Variants in ZNF3 observed in about 807,000 individuals in gnomAD.
The protein encoded by ZNF3 is C2-H2 type zinc finger protein.
Under a neutral mutation model 36.9 loss-of-function variants are expected in ZNF3, and 16 were observed. That is an observed-to-expected ratio of 0.43 (90% CI 0.29 to 0.66). The LOEUF (loss-of-function observed/expected upper bound fraction) is 0.66. ZNF3 is among the 30% of genes least tolerant of loss of function. ZNF3 has a pLI of 0.13. For missense variants in ZNF3, 462 were observed against 543.1 expected (o/e 0.85, Z 1.48); for synonymous variants, 201 against 201.9 (o/e 1.00, Z 0.04).
intron 2 of ZNF3, among the ~76,000 whole-genome samples, chr7:100,078,105 A>G (rs915015665): frequency 1.3e-5 from 2 of 152,168 alleles, no homozygotes; most frequent in African/African-American, 4.8e-5. Flanking sequence ...AAAGGGCCCA[A>G]GTTCCTCAAC....
intron 1 of ZNF3, among the ~76,000 whole-genome samples, chr7:100,080,522 A>G (rs895927042): frequency 3.9e-5 from 6 of 152,116 alleles, no homozygotes; most frequent in Non-Finnish European, 8.8e-5. Context: ...AAGGAAAAAA[A>G]AAAAAAAGGC....
downstream of ZNF3, among the ~76,000 whole-genome samples, chr7:100,065,248 G>A (rs901494383): frequency 7.9e-5 from 12 of 152,218 alleles, no homozygotes; most frequent in African/African-American, 2.6e-4. Context: ...CCAAAATGGC[G>A]AAACACTGTC....
chr7:100,077,347 T>G lies in ZNF3; in HGVS notation c.11A>C (p.Gln4Pro), dbSNP rs771889784. 2 of 1,613,744 alleles carry G rather than the reference T, an allele frequency of 1.2e-6. No homozygotes were observed. The highest frequency in any genetic ancestry group is 2.2e-5 in the South Asian group (2 of 91,070). The change falls in exon 3 of 6, where the codon CAG becomes CCG. Residue 4 changes from glutamine (Q) to proline (P), a missense_variant. Gln to Pro is a moderately conservative substitution (Grantham distance 76, BLOSUM62 -1). Coordinates refer to ENST00000299667, the MANE Select transcript of ZNF3 (RefSeq NM_032924.5). MET[Q>P]ADLVSQEPQA... Reference sequence around the variant, plus strand: ...AGGTTCCTGAGATACGAGATCAGCCTGAGTTTCCATGGAAGGGCAAGGTGC... The same window carrying G: ...AGGTTCCTGAGATACGAGATCAGCCGGAGTTTCCATGGAAGGGCAAGGTGC...
rs538093413 is a variant in ZNF3 at position 100,072,736 on chromosome 7, T to A, written c.272-524A>T. 1.9e-3 allele frequency among the ~76,000 whole-genome samples: 289 copies of A among 152,188 alleles called. 2 individuals are homozygous for A. The highest frequency in any genetic ancestry group is 6.7e-3 in the African/African-American group (278 of 41,520). On this transcript the variant is annotated intron_variant, in intron 5 of 5. Coordinates refer to ENST00000299667, the MANE Select transcript of ZNF3 (RefSeq NM_032924.5). Reference sequence around the variant, plus strand: ...ATCATGGCTGTCGTCACGCCACAAATGCCAAGCCCATGGAAACGGCAAGAC... The same window carrying A: ...ATCATGGCTGTCGTCACGCCACAAAAGCCAAGCCCATGGAAACGGCAAGAC...
At chr7:100,079,238 T>C (rs539300523) in intron 2 of ZNF3, 3 of 152,294 alleles carry the variant, frequency 2.0e-5, no homozygotes, top group Admixed American at 1.3e-4. Flanking sequence ...CAGCTTTCAG[T>C]ACAAACTCCT....
chr7:100,064,519 A>G, exon 6 of ZNF3: 3 of 1,614,188 alleles, frequency 1.9e-6, no homozygotes, highest in Non-Finnish European at 2.5e-6. Flanking sequence ...CACCGGGGAA[A>G]AGCCCTACTG....
chr7:100,070,166 GTTT>G lies in ZNF3; in HGVS notation c.*974_*976del. Reference sequence around the variant, plus strand: ...CTGGGCTTCGTTTTTTTGTTTTTTTGTTTTTTTTTTCTCCCTTTTGGGCTTTGC... The same window carrying G: ...CTGGGCTTCGTTTTTTTGTTTTTTTGTTTTTTTCTCCCTTTTGGGCTTTGC... On this transcript the variant is annotated 3_prime_UTR_variant, in exon 6 of 6. Transcript: ENST00000299667. The G allele has an allele frequency of 1.1e-6, 1 of 940,024 alleles. No homozygotes were observed. The highest frequency in any genetic ancestry group is 1.3e-6 in the Non-Finnish European group (1 of 791,038). The allele number at this position is 940,024 out of a possible 1,614,324, so 58.2% of individuals were successfully genotyped here.
chr7:100,074,752 G>A (rs1793783539), intron 5 of ZNF3, among the ~76,000 whole-genome samples: 1 of 152,156 alleles, frequency 6.6e-6, no homozygotes, highest in Non-Finnish European at 1.5e-5. Context: ...TCCTTACCTA[G>A]GCCAGGTGCA....
At chr7:100,064,261 G>A (rs1195352846) in exon 6 of ZNF3, 1 of 1,614,180 alleles carries the variant, frequency 6.2e-7, no homozygotes, top group Non-Finnish European at 8.5e-7. Context: ...AATGCACACA[G>A]AAGAGGCGCC....
At position 100,077,398 on chromosome 7, in the gene ZNF3, A is replaced by G. The variant is rs752099701; in HGVS notation, c.-41T>C. ...TCTCTGGTCTCCTGGGTGCAGACTC[A>G]GCGGGAAGCGGGTTTTAAAAGAGAA... is the stretch of plus-strand genomic sequence containing the variant. On this transcript the variant is annotated 5_prime_UTR_variant, in exon 3 of 6. Transcript: ENST00000299667. The G allele has an allele frequency of 2.3e-5, 37 of 1,613,528 alleles. No homozygotes were observed. The highest frequency in any genetic ancestry group is 3.1e-5 in the Non-Finnish European group (37 of 1,179,786).
rs1218389307 is a variant in ZNF3, at chr7:100,071,806, CT to C, written c.677del (p.Lys226SerfsTer199). ...TCCCACACTCATTACATTCATAGGG[CT>C]TTTCCCCAGTGTGGATTCTCTGATG... ...IQHQRIHTGE[K>X]PYECNECGKA... On this transcript the variant is annotated frameshift_variant, in exon 6 of 6. Transcript: ENST00000299667. LOFTEE classifies it high-confidence loss of function. 1 of 1,612,880 alleles carries C rather than the reference CT, an allele frequency of 6.2e-7. No homozygotes were observed. The highest frequency in any genetic ancestry group is 1.7e-5 in the Admixed American group (1 of 59,866).
At chr7:100,069,476 C>T (rs891055331), downstream of ZNF3, among the ~76,000 whole-genome samples, 21 of 150,692 alleles carry the variant, frequency 1.4e-4, no homozygotes, top group African/African-American at 4.6e-4. Context: ...TGCTTGAACC[C>T]GGGAGGCAGA....
chr7:100,075,220 C>T lies in ZNF3; in HGVS notation c.186G>A (p.Arg62=). 1 of 1,614,198 alleles carries T rather than the reference C, an allele frequency of 6.2e-7. No homozygotes were observed. Among genetic ancestry groups the T allele is most frequent in the Admixed American group, 1.7e-5 (1 of 60,018 alleles). The change falls in exon 5 of 6, where the codon CGG becomes CGA. Residue 62 remains arginine, a synonymous_variant. Coordinates refer to ENST00000299667, the MANE Select transcript of ZNF3 (RefSeq NM_032924.5). ...TFEDVAVYFI[R]KEWKRLEPAQ... is the part of the protein sequence containing the mutation. Reference sequence around the variant, plus strand: ...CAGGTTCCAAACGCTTCCACTCCTTCCGGATGAAGTACACAGCTACATCCT... The same window carrying T: ...CAGGTTCCAAACGCTTCCACTCCTTTCGGATGAAGTACACAGCTACATCCT...
In ZNF3 at chr7:100,071,112, G is replaced by A. The variant is rs752421438; in HGVS notation, c.*31C>T. 1 of 1,547,504 alleles carries A rather than the reference G, an allele frequency of 6.5e-7. No homozygotes were observed. The highest frequency in any genetic ancestry group is 8.7e-7 in the Non-Finnish European group (1 of 1,148,588). ...TAAGGCAAGAGCTCTTGAGACTCAG[G>A]GAAAGTGAGGAAAATGGGTGTGTGG... On this transcript the variant is annotated 3_prime_UTR_variant, in exon 6 of 6. Coordinates refer to ENST00000299667, the MANE Select transcript of ZNF3 (RefSeq NM_032924.5).
intron 5 of ZNF3, among the ~76,000 whole-genome samples, chr7:100,074,640 A>T (rs1365953118): frequency 6.6e-6 from 1 of 152,238 alleles, no homozygotes; most frequent in Non-Finnish European, 1.5e-5. Flanking sequence ...GTTACTGTGA[A>T]GATTAAATGA....
At chr7:100,066,977 G>A (rs767882020), downstream of ZNF3, among the ~76,000 whole-genome samples, 1 of 152,144 alleles carries the variant, frequency 6.6e-6, no homozygotes, top group Non-Finnish European at 1.5e-5. Flanking sequence ...AGAGGTTGCA[G>A]TGAGCCGAGA....
upstream of ZNF3, among the ~76,000 whole-genome samples, chr7:100,082,007 C>G (rs1205216400): frequency 6.6e-6 from 1 of 152,148 alleles, no homozygotes. Flanking sequence ...TGTGCTCCAG[C>G]GTCGCCGGCC....
In ZNF3 at chr7:100,071,885, T is replaced by G. The variant is rs759319469; in HGVS notation, c.599A>C (p.His200Pro). 1 of 1,614,122 alleles carries G rather than the reference T, an allele frequency of 6.2e-7. No homozygotes were observed. Among genetic ancestry groups the G allele is most frequent in the African/African-American group, 1.3e-5 (1 of 74,950 alleles). Reference protein sequence around the residue: ...HQRLPVGDRPHKCDECSKSFN... With the variant: ...HQRLPVGDRPPKCDECSKSFN... ...GCTCTTGCTACATTCATCACACTTATGGGGTCTGTCTCCCACGGGGAGTCT... is the reference window on the plus strand; with the variant it reads ...GCTCTTGCTACATTCATCACACTTAGGGGGTCTGTCTCCCACGGGGAGTCT... Residue 200 changes from histidine (H) to proline (P), a missense_variant, in exon 6 of 6, where the codon CAT becomes CCT. Transcript: ENST00000299667.
chr7:100,072,145 C>A lies in ZNF3; in HGVS notation c.339G>T (p.Leu113=). The A allele has an allele frequency of 6.2e-7, 1 of 1,612,796 alleles. No individual in the cohort carries two copies. Among genetic ancestry groups the A allele is most frequent in the Non-Finnish European group, 8.5e-7 (1 of 1,179,710 alleles). The change falls in exon 6 of 6, where the codon CTG becomes CTT. Residue 113 remains leucine, a synonymous_variant. Transcript: ENST00000299667. ...SEDTRSHGVL[L]GRFQKDISQG... The stretch of plus-strand genomic sequence containing the variant: ...GAGAAATATCCTTTTGAAATCTTCC[C>A]AGTAGGACCCCATGTGATCTTGTGT...
Sources: allele counts gnomAD v4.1 joint callset (sites outside exome capture counted in the v4.1 genomes callset), GRCh38; gene constraint gnomAD v4.1.1; transcripts MANE v1.5; gene names NCBI Gene and HGNC (gene_info 2026-07-23, HGNC 2026-07-21).